The following MAP4 variants were observed in gnomAD, a reference collection of about 807,000 sequenced individuals.
MAP4 encodes microtubule-associated protein 4.
In MAP4, 76 loss-of-function variants were observed where a neutral mutation model predicts 170.2. The ratio of observed to expected loss-of-function variants is 0.45; its 90% CI spans 0.37 to 0.54. The LOEUF is 0.54. MAP4 is among the 20% of genes least tolerant of loss of function. MAP4 has a pLI of 0.00. For missense variants in MAP4, 2,506 were observed against 2,748.0 expected (o/e 0.91, Z 1.97); for synonymous variants, 909 against 994.5 (o/e 0.91, Z 1.62).
intron 1 of MAP4, among the ~76,000 whole-genome samples, chr3:48,062,051 G>A (rs922936426): frequency 2.6e-5 from 4 of 152,196 alleles, no homozygotes; most frequent in African/African-American, 9.6e-5. Context: ...GTTTTGTCGA[G>A]TAGAAAGGGG....
intron 3 of MAP4, among the ~76,000 whole-genome samples, chr3:47,938,061 T>C (rs933236016): frequency 3.3e-5 from 5 of 151,932 alleles, no homozygotes; most frequent in Admixed American, 6.6e-5. Context: ...TTTGAGTTCT[T>C]ACTTTTATTT....
intron 1 of MAP4, among the ~76,000 whole-genome samples, chr3:48,038,637 T>C (rs1441876502): frequency 1.3e-5 from 2 of 152,074 alleles, no homozygotes; most frequent in Non-Finnish European, 2.9e-5. Flanking sequence ...ATTTTTTGTA[T>C]TTTTAGCAGG....
Position 47,916,502 on chromosome 3 carries a change from G to A in MAP4, c.1325C>T (p.Thr442Ile). The A allele has an allele frequency of 6.2e-7, 1 of 1,614,196 alleles. No individual in the cohort carries two copies. ...SAEKVALSSE[T>I]EVALARDMTL... ...CATGTCCCTGGCCAGGGCTACCTCT[G>A]TTTCTGAGGACAAAGCCACCTTCTC... is the stretch of plus-strand genomic sequence containing the variant. Residue 442 changes from threonine (T) to isoleucine (I), a missense_variant, in exon 7 of 21, where the codon ACA (threonine) becomes ATA (isoleucine). Around this residue, in one of 3 missense-constraint regions of MAP4, gnomAD observed 2,008 missense variants for 2,206.0 expected, o/e 0.91. Coordinates refer to ENST00000683076, the MANE Select transcript of MAP4 (RefSeq NM_001385682.1).
At chr3:47,966,622 C>A (rs2100075226) in intron 3 of MAP4, among the ~76,000 whole-genome samples, 1 of 152,040 alleles carries the variant, frequency 6.6e-6, no homozygotes, top group Non-Finnish European at 1.5e-5. Context: ...CTCAAGCAAT[C>A]CTCTCACTTG....
At chr3:48,004,382 T>C (rs1312193647) in intron 1 of MAP4, among the ~76,000 whole-genome samples, 1 of 152,218 alleles carries the variant, frequency 6.6e-6, no homozygotes, top group Admixed American at 6.5e-5. Flanking sequence ...TTAGTGACTC[T>C]ATACATAATA....
intron 1 of MAP4, among the ~76,000 whole-genome samples, chr3:48,038,063 G>A (rs1160551457): frequency 6.6e-6 from 1 of 151,638 alleles, no homozygotes; most frequent in Non-Finnish European, 1.5e-5. Flanking sequence ...AGCTACTCAG[G>A]AGGCTGAGGC....
intron 2 of MAP4, among the ~76,000 whole-genome samples, 180 bp from the exon 3 acceptor site, chr3:47,978,113 C>A (rs1219779816): frequency 6.6e-6 from 1 of 152,168 alleles, no homozygotes; most frequent in Non-Finnish European, 1.5e-5. Context: ...TGAACAGAAT[C>A]ATTAATTCCT....
intron 2 of MAP4, among the ~76,000 whole-genome samples, chr3:47,981,922 G>A (rs2100085641): frequency 6.6e-6 from 1 of 152,012 alleles, no homozygotes; most frequent in Non-Finnish European, 1.5e-5. Context: ...AAAAATAACA[G>A]ACCCCATCAT....
At chr3:48,054,859 T>C (rs1220985403) in intron 1 of MAP4, among the ~76,000 whole-genome samples, 1 of 149,976 alleles carries the variant, frequency 6.7e-6, no homozygotes, top group Non-Finnish European at 1.5e-5. Context: ...CTTCTTTAGC[T>C]AAAAGACCAA....
At chr3:47,922,818 G>A (rs112824678) in intron 4 of MAP4, among the ~76,000 whole-genome samples, 1,872 of 152,342 alleles carry the variant, frequency 0.012, 42 homozygotes, top group African/African-American at 0.042. Context: ...GGGAGGCCAA[G>A]GCGGGCGGAT....
chr3:48,010,063 T>C (rs2100104443), intron 1 of MAP4, among the ~76,000 whole-genome samples: 1 of 152,154 alleles, frequency 6.6e-6, no homozygotes, highest in Non-Finnish European at 1.5e-5. Flanking sequence ...ATGAGACCCA[T>C]TAGGGCATCT....
chr3:47,906,649 C>G (rs1404111370), intron 9 of MAP4, among the ~76,000 whole-genome samples: 1 of 150,718 alleles, frequency 6.6e-6, no homozygotes. Flanking sequence ...TGCCATTGCA[C>G]TCCTTCGTGG....
At chr3:47,991,983 C>CA (rs764539272) in intron 2 of MAP4, among the ~76,000 whole-genome samples, 245 of 131,728 alleles carry the variant, frequency 1.9e-3, no homozygotes, top group Admixed American at 3.6e-3. Context: ...ACCCTGTCTT[C>CA]AAAAAAAAAA....
In MAP4 at chr3:47,975,432, C is replaced by T. The variant is rs753454426; in HGVS notation, c.292+2433G>A. Reference sequence around the variant, plus strand: ...AGGAAAGATCACTGGTCTGGTGTTGCAGCAGCCCCAGTGTTGAGAGACACG... The same window carrying T: ...AGGAAAGATCACTGGTCTGGTGTTGTAGCAGCCCCAGTGTTGAGAGACACG... On this transcript the variant is annotated intron_variant, in intron 3 of 20. Transcript: ENST00000683076. The T allele has an allele frequency of 2.8e-5, 44 of 1,566,712 alleles. No individual in the cohort carries two copies. The East Asian group carries it at 9.7e-4, about 34-fold the overall frequency.
At chr3:48,074,896 G>A (rs1447981859) in intron 1 of MAP4, among the ~76,000 whole-genome samples, 1 of 152,028 alleles carries the variant, frequency 6.6e-6, no homozygotes, top group Non-Finnish European at 1.5e-5. Context: ...CGTTCATGAA[G>A]TGGAAGATCT....
intron 1 of MAP4, among the ~76,000 whole-genome samples, chr3:48,030,497 AAC>A (rs1658358436): frequency 8.0e-6 from 1 of 125,352 alleles, no homozygotes; most frequent in South Asian, 2.6e-4. Context: ...AAAAAAAAAA[AAC>A]AACGATAGGG....
At chr3:48,050,630 C>T (rs904080805) in intron 1 of MAP4, among the ~76,000 whole-genome samples, 4 of 150,774 alleles carry the variant, frequency 2.7e-5, no homozygotes, top group African/African-American at 7.3e-5. Flanking sequence ...CTATAGAGGA[C>T]GTGCGCGGTG....
chr3:47,914,850 T>C lies in MAP4; in HGVS notation c.1966A>G (p.Ser656Gly). Residue 656 changes from serine (S) to glycine (G), a missense_variant, in exon 8 of 21, where the codon AGT becomes GGT. Ser to Gly is a moderately conservative substitution (Grantham distance 56). Coordinates refer to ENST00000683076, the MANE Select transcript of MAP4 (RefSeq NM_001385682.1). Reference sequence around the variant, plus strand: ...TCTGAAGAAAGCTCAGAAGGTTGACTGTTGCATGGTTTCCTTTCCCCTAGT... The same window carrying C: ...TCTGAAGAAAGCTCAGAAGGTTGACCGTTGCATGGTTTCCTTTCCCCTAGT... ...EKLGERKPCN[S>G]QPSELSSETS... 6.2e-7 allele frequency: 1 copy of C among 1,614,222 alleles called. No individual in the cohort carries two copies. Among genetic ancestry groups the C allele is most frequent in the African/African-American group, 1.3e-5 (1 of 75,056 alleles).
intron 10 of MAP4, among the ~76,000 whole-genome samples, chr3:47,897,585 A>G (rs1029035316): frequency 1.6e-4 from 25 of 152,166 alleles, no homozygotes; most frequent in Non-Finnish European, 2.5e-4. Context: ...GCGTGTTTGA[A>G]GTAAGGGAGA....
Sources: gnomAD v4.1 joint callset for allele counts (sites outside exome capture counted in the v4.1 genomes callset) on GRCh38, gnomAD v4.1.1 for gene constraint, gnomAD v4.1.1 regional missense constraint, MANE v1.5 for transcripts, NCBI Gene and HGNC (gene_info 2026-07-23, HGNC 2026-07-21) for gene names.